KRR1: variants seen among roughly 807,000 people sequenced by gnomAD.
The protein encoded by KRR1 is KRR1 small subunit processome component, also known as KRR1 small subunit processome component homolog.
In KRR1, 23 loss-of-function variants were observed where a neutral mutation model predicts 50.0. That is an observed-to-expected ratio of 0.46 (90% CI 0.33 to 0.65). The LOEUF (loss-of-function observed/expected upper bound fraction) is 0.65. Among genes scored for constraint, KRR1 ranks in the 30% least tolerant of loss-of-function variants. The pLI, the probability that KRR1 is intolerant of heterozygous loss-of-function variation, is 0.02. For missense variants in KRR1, 419 were observed against 442.4 expected (o/e 0.95, Z 0.47); for synonymous variants, 133 against 146.3 (o/e 0.91, Z 0.66).
At chr12:75,508,983 C>T (rs1293017707) in intron 1 of KRR1, among the ~76,000 whole-genome samples, 10 of 152,122 alleles carry the variant, frequency 6.6e-5, no homozygotes, top group East Asian at 5.8e-4. Context: ...TATTTCCATA[C>T]GCCTTTCATC....
rs780590787 is a variant in KRR1, at chr12:75,501,787, T to C, written c.939A>G (p.Arg313=). ...KAKQAEAISK[R]QEERNKAFIP... ...TAAATGCTTTGTTTCTTTCCTCTTGTCTCTTACTGATGGCTTCTGCTTGTT... is the reference window on the plus strand; with the variant it reads ...TAAATGCTTTGTTTCTTTCCTCTTGCCTCTTACTGATGGCTTCTGCTTGTT... The change falls in exon 9 of 10, where the codon AGA becomes AGG. Residue 313 remains arginine (R), a synonymous_variant. Transcript: ENST00000229214. 3 of 1,610,470 alleles carry C rather than the reference T, an allele frequency of 1.9e-6. No individual in the cohort carries two copies. The highest frequency in any genetic ancestry group is 2.7e-5 in the African/African-American group (2 of 74,792).
At chr12:75,504,157 A>C in intron 6 of KRR1, 83 bp from the exon 7 acceptor site, 1 of 927,314 alleles carries the variant, frequency 1.1e-6, no homozygotes, top group Non-Finnish European at 1.6e-6. Flanking sequence ...TATTGCTTCT[A>C]TAAATAATAA....
At chr12:75,502,780 GAAGA>G (rs978091041) in intron 7 of KRR1, 1 of 152,004 alleles carries the variant, frequency 6.6e-6, no homozygotes, top group African/African-American at 2.4e-5. Flanking sequence ...CACAGCTACA[GAAGA>G]AAGATAAGTC....
chr12:75,501,914 G>A lies in KRR1; in HGVS notation c.909+9C>T. The A allele has an allele frequency of 6.2e-7, 1 of 1,607,938 alleles. No individual in the cohort carries two copies. Among genetic ancestry groups the A allele is most frequent in the Non-Finnish European group, 8.5e-7 (1 of 1,178,400 alleles). On this transcript the variant is annotated intron_variant, in intron 8 of 9. Coordinates refer to ENST00000229214, the MANE Select transcript of KRR1 (RefSeq NM_007043.7). ...GCTATTCATGTGAGCCAGACATAAA[G>A]TGCCGTACCTTTATTGCTTCCATTT...
intron 7 of KRR1, 120 bp downstream of exon 7, chr12:75,503,782 GCA>G (rs200628608): frequency 7.6e-4 from 634 of 837,552 alleles, no homozygotes; most frequent in Middle Eastern, 1.6e-3. Flanking sequence ...TTATAGCTCT[GCA>G]CACACACACA....
At position 75,496,993 on chromosome 12, in the gene KRR1, A is replaced by G. The variant is rs991097179; in HGVS notation, c.*2816T>C. On this transcript the variant is annotated 3_prime_UTR_variant, in exon 10 of 10. Coordinates refer to ENST00000229214, the MANE Select transcript of KRR1 (RefSeq NM_007043.7). ...CAATGCAGATAATATCAAGGTATCA[A>G]TGTATTCACTGAATTCTTCCTTTCA... The G allele has an allele frequency of 3.3e-5, 5 of 152,220 alleles. No individual in the cohort carries two copies. The highest frequency in any genetic ancestry group is 1.2e-4 in the African/African-American group (5 of 41,466). 9.4% of individuals were successfully genotyped at this position (152,220 alleles called of 1,614,324 possible).
intron 6 of KRR1, 26 bp from the exon 7 acceptor site, chr12:75,504,100 T>C: frequency 6.4e-7 from 1 of 1,560,620 alleles, no homozygotes; most frequent in South Asian, 1.2e-5. Flanking sequence ...AAAGTAAAAA[T>C]TTTTACTTTC....
At position 75,498,773 on chromosome 12, in the gene KRR1, G is replaced by C. The variant is rs1390903388; in HGVS notation, c.*1036C>G. 2 of 1,606,608 alleles carry C rather than the reference G, an allele frequency of 1.2e-6. No homozygotes were observed. The highest frequency in any genetic ancestry group is 2.2e-5 in the South Asian group (2 of 90,874). ...ATTAAGAGCTATGTGAATTCTGTCA[G>C]TGCATTATGAGGAACAATGTCTAAG... On this transcript the variant is annotated 3_prime_UTR_variant, in exon 10 of 10. Coordinates refer to ENST00000229214, the MANE Select transcript of KRR1 (RefSeq NM_007043.7).
Position 75,498,744 on chromosome 12 carries a change from T to C in KRR1, c.*1065A>G, listed in dbSNP as rs751011510. 1.9e-6 allele frequency: 3 copies of C among 1,609,818 alleles called. No individual in the cohort carries two copies. The South Asian group carries it at 3.3e-5, about 18-fold the overall frequency. On this transcript the variant is annotated 3_prime_UTR_variant, in exon 10 of 10. Transcript: ENST00000229214. ...ACGTACGTACATCAATCTTAAATTG[T>C]TTCATTAAGAGCTATGTGAATTCTG...
rs1191331821 is a variant in KRR1, at chr12:75,491,832, T to A, written c.*7977A>T. 1 of 152,184 alleles carries A rather than the reference T, an allele frequency of 6.6e-6. No homozygotes were observed. The highest frequency in any genetic ancestry group is 1.5e-5 in the Non-Finnish European group (1 of 68,040). The allele number at this position is 152,184 out of a possible 1,614,324, so 9.4% of individuals were successfully genotyped here. ...TTTAAAGGTTTTTAACCATTTGCAATATATATAATGATCTTTAATTTGTTG... is the reference window on the plus strand; with the variant it reads ...TTTAAAGGTTTTTAACCATTTGCAAAATATATAATGATCTTTAATTTGTTG... On this transcript the variant is annotated 3_prime_UTR_variant, in exon 10 of 10. Coordinates refer to ENST00000229214, the MANE Select transcript of KRR1 (RefSeq NM_007043.7).
At chr12:75,509,836 T>C (rs1208902723) in intron 1 of KRR1, among the ~76,000 whole-genome samples, 1 of 150,646 alleles carries the variant, frequency 6.6e-6, no homozygotes, top group Non-Finnish European at 1.5e-5. Flanking sequence ...CAATCCCCCC[T>C]CCTCAGCTTG....
intron 5 of KRR1, among the ~76,000 whole-genome samples, chr12:75,505,887 C>T (rs74577953): frequency 0.011 from 1,722 of 152,176 alleles, 23 homozygotes; most frequent in Non-Finnish European, 0.017. Flanking sequence ...AAAATTCAAA[C>T]AAAAGAAACT....
At position 75,506,549 on chromosome 12, in the gene KRR1, T is replaced by C. The variant is rs774242188; in HGVS notation, c.454A>G (p.Arg152Gly). 1 of 1,597,366 alleles carries C rather than the reference T, an allele frequency of 6.3e-7. No homozygotes were observed. Among genetic ancestry groups the C allele is most frequent in the East Asian group, 2.3e-5 (1 of 44,440 alleles). The change falls in exon 4 of 10, where the codon AGG (arginine) becomes GGG (glycine). Residue 152 changes from arginine to glycine, a missense_variant. By Grantham distance (125) the Arg-to-Gly change is moderately radical. Transcript: ENST00000229214. ...CGTTTTACAAATCTCTCTTTATTCCTTACTAAAGAACCTATTTTAATGATG... is the reference window on the plus strand; with the variant it reads ...CGTTTTACAAATCTCTCTTTATTCCCTACTAAAGAACCTATTTTAATGATG... ...CDIIKIGSLV[R>G]NKERFVKRRQ...
chr12:75,499,805 T>TA lies in KRR1; in HGVS notation c.*3dup. The TA allele has an allele frequency of 6.3e-7, 1 of 1,595,424 alleles. No individual in the cohort carries two copies. Among genetic ancestry groups the TA allele is most frequent in the Non-Finnish European group, 8.5e-7 (1 of 1,172,920 alleles). Reference sequence around the variant, plus strand: ...ATAGTTCTAGTCAAGGAGTTTTGGGTATGTTACTTTTTTTTCTTCTTTTTC... The same window carrying TA: ...ATAGTTCTAGTCAAGGAGTTTTGGGTAATGTTACTTTTTTTTCTTCTTTTTC... On this transcript the variant is annotated 3_prime_UTR_variant, in exon 10 of 10. Transcript: ENST00000229214.
At chr12:75,511,417 C>T (rs1208851814) in intron 1 of KRR1, 96 bp downstream of exon 1, 2 of 1,072,248 alleles carry the variant, frequency 1.9e-6, no homozygotes, top group African/African-American at 1.6e-5. Flanking sequence ...ACAGTACAGG[C>T]TCCAGGTGGT....
At position 75,498,834 on chromosome 12, in the gene KRR1, T is replaced by C; in HGVS notation, c.*975A>G. ...ATGTTTGTTTCACAGGTTACTACTC[T>C]GTTGTATATCCAGGCTGGCCCATAT... On this transcript the variant is annotated 3_prime_UTR_variant, in exon 10 of 10. Coordinates refer to ENST00000229214, the MANE Select transcript of KRR1 (RefSeq NM_007043.7). 1 of 1,612,598 alleles carries C rather than the reference T, an allele frequency of 6.2e-7. No individual in the cohort carries two copies.
rs1426306141 is a variant in KRR1, at chr12:75,506,769, A to AT, written c.393+12dup. On this transcript the variant is annotated intron_variant, in intron 3 of 9. Coordinates refer to ENST00000229214, the MANE Select transcript of KRR1 (RefSeq NM_007043.7). Reference sequence around the variant, plus strand: ...ATGCAAACAAAGCAAAGTCTCTGTAATTCTAGATTTACCTGTTCAAATGAA... The same window carrying AT: ...ATGCAAACAAAGCAAAGTCTCTGTAATTTCTAGATTTACCTGTTCAAATGAA... 3 of 1,600,982 alleles carry AT rather than the reference A, an allele frequency of 1.9e-6. No individual in the cohort carries two copies. The highest frequency in any genetic ancestry group is 2.5e-6 in the Non-Finnish European group (3 of 1,176,632).
rs771583378 is a variant in KRR1, at chr12:75,498,999, A to G, written c.*810T>C. On this transcript the variant is annotated 3_prime_UTR_variant, in exon 10 of 10. Coordinates refer to ENST00000229214, the MANE Select transcript of KRR1 (RefSeq NM_007043.7). ...ACTAATACAATTCAGGAAAGAAAAA[A>G]CCCAAAAACCAACCTCATTCACATA... 6.6e-7 allele frequency: 1 copy of G among 1,512,730 alleles called. No individual in the cohort carries two copies. Among genetic ancestry groups the G allele is most frequent in the East Asian group, 2.3e-5 (1 of 42,742 alleles). The allele number at this position is 1,512,730 out of a possible 1,614,324, so 93.7% of individuals were successfully genotyped here. A position where few individuals can be genotyped will look rare whatever the true frequency, so the allele number is the denominator to read the frequency against.
At position 75,495,412 on chromosome 12, in the gene KRR1, T is replaced by C. The variant is rs1256026978; in HGVS notation, c.*4397A>G. Reference sequence around the variant, plus strand: ...TACATAGAATGAACTATGCAAATATTAGCAGCCTTCCATTTCTGCCTTCCT... The same window carrying C: ...TACATAGAATGAACTATGCAAATATCAGCAGCCTTCCATTTCTGCCTTCCT... On this transcript the variant is annotated 3_prime_UTR_variant, in exon 10 of 10. Transcript: ENST00000229214. 1.7e-6 allele frequency: 1 copy of C among 571,558 alleles called. No homozygotes were observed. Among genetic ancestry groups the C allele is most frequent in the Non-Finnish European group, 3.2e-6 (1 of 312,502 alleles). The allele number at this position is 571,558 out of a possible 1,614,324, so 35.4% of individuals were successfully genotyped here.
Sources: allele counts gnomAD v4.1 joint callset (sites outside exome capture counted in the v4.1 genomes callset), GRCh38; gene constraint gnomAD v4.1.1; transcripts MANE v1.5; gene names NCBI Gene and HGNC (gene_info 2026-07-23, HGNC 2026-07-21).